Variants in GPBP1 observed in about 807,000 individuals in gnomAD.
The protein encoded by GPBP1 is vasculin.
A neutral mutation model predicts 56.5 loss-of-function variants in GPBP1; 13 were observed. The ratio of observed to expected loss-of-function variants is 0.23; its 90% confidence interval spans 0.15 to 0.37. GPBP1 has a LOEUF of 0.37. Among genes scored for constraint, GPBP1 ranks in the 10% least tolerant of loss-of-function variants. The probability of loss-of-function intolerance (pLI) is 1.00; values close to 1 mark genes in which losing one functional copy is unlikely to be tolerated. For missense variants in GPBP1, 477 were observed against 572.3 expected, an observed-to-expected ratio of 0.83 and a Z score of 1.70; for synonymous variants, 204 against 188.9, an observed-to-expected ratio of 1.08 and a Z score of -0.66.
At chr5:57,225,738 C>G (rs1756158371) in intron 3 of GPBP1, among the ~76,000 whole-genome samples, 1 of 152,094 alleles carries the variant, frequency 6.6e-6, no homozygotes, top group Non-Finnish European at 1.5e-5. Flanking sequence ...CTGCCTGAGT[C>G]AAACAGCAGC....
chr5:57,188,678 GGTT>G (rs1324174589), intron 2 of GPBP1, among the ~76,000 whole-genome samples: 2 of 151,980 alleles, frequency 1.3e-5, no homozygotes, highest in Admixed American at 6.6e-5. Context: ...GTCAGGCAGA[GGTT>G]GTAGTGAGCC....
rs1234096946 is a variant in GPBP1, at chr5:57,224,246, C to CTT, written c.64-6586_64-6585dup. Reference sequence around the variant, plus strand: ...GGTGCAACCTGGAACTCCTGATCCTCTTTTTTTTTTTTTTTGAGACAAAGT... The same window carrying CTT: ...GGTGCAACCTGGAACTCCTGATCCTCTTTTTTTTTTTTTTTTTGAGACAAAGT... On this transcript the variant is annotated intron_variant, in intron 3 of 11. Coordinates refer to ENST00000506184, the MANE Select transcript of GPBP1 (RefSeq NM_022913.4). Among the ~76,000 whole-genome samples the CTT allele has an allele frequency of 1.7e-3, 239 of 139,570 alleles. 1 individual carries two copies. The highest frequency in any genetic ancestry group is 0.013 in the Admixed American group (180 of 13,794). The allele number at this position is 139,570 out of a possible 152,430, so 91.6% of individuals were successfully genotyped here.
intron 2 of GPBP1, among the ~76,000 whole-genome samples, chr5:57,181,993 G>T (rs1348008241): frequency 2.0e-5 from 3 of 151,998 alleles, no homozygotes; most frequent in African/African-American, 4.8e-5. Flanking sequence ...TTATATACAA[G>T]ATATGTCATT....
intron 2 of GPBP1, among the ~76,000 whole-genome samples, chr5:57,210,185 T>G (rs534241778): frequency 2.6e-5 from 4 of 152,344 alleles, no homozygotes; most frequent in East Asian, 1.9e-4. Flanking sequence ...GTCTGAAGAA[T>G]AATCTTTTTT....
intron 2 of GPBP1, among the ~76,000 whole-genome samples, chr5:57,187,032 GTGTGTGTA>G (rs1482145706): frequency 1.3e-5 from 2 of 148,300 alleles, no homozygotes; most frequent in Non-Finnish European, 2.9e-5. Flanking sequence ...GTGTGTGTGT[GTGTGTGTA>G]TGTATGTTTG....
At chr5:57,243,154 A>G (rs1415132481) in intron 6 of GPBP1, among the ~76,000 whole-genome samples, 2 of 144,884 alleles carry the variant, frequency 1.4e-5, no homozygotes, top group African/African-American at 5.2e-5. Flanking sequence ...TGCAACCTCC[A>G]CCTCCCGGGT....
At chr5:57,202,434 G>T (rs1755059364) in intron 2 of GPBP1, among the ~76,000 whole-genome samples, 1 of 151,758 alleles carries the variant, frequency 6.6e-6, no homozygotes, top group Admixed American at 6.6e-5. Context: ...AATTATAGGC[G>T]CATGCCACCA....
At position 57,256,942 on chromosome 5, in the gene GPBP1, A is replaced by G. The variant is rs527616271; in HGVS notation, c.1161-4238A>G. ...AATGTTACTTCTTTTCCATTGCTTC[A>G]TATTTTCTGTAAACTTTGTGACTTC... On this transcript the variant is annotated intron_variant, in intron 10 of 11. Coordinates refer to ENST00000506184, the MANE Select transcript of GPBP1 (RefSeq NM_022913.4). Among the ~76,000 whole-genome samples, 18 of 152,030 alleles carry G rather than the reference A, an allele frequency of 1.2e-4. No homozygotes were observed. In the South Asian group the frequency reaches 2.3e-3, roughly 19 times the overall value.
chr5:57,186,807 G>A (rs1291686333), intron 2 of GPBP1, among the ~76,000 whole-genome samples: 5 of 152,140 alleles, frequency 3.3e-5, no homozygotes, highest in African/African-American at 1.2e-4. Flanking sequence ...CTGGACTCAT[G>A]GGATCCTCCT....
chr5:57,210,252 T>C lies in GPBP1; in HGVS notation c.-57-3822T>C, dbSNP rs573973630. Among the ~76,000 whole-genome samples, 3 of 152,342 alleles carry C rather than the reference T, an allele frequency of 2.0e-5. No homozygotes were observed. The South Asian group carries it at 6.2e-4, about 32-fold the overall frequency. On this transcript the variant is annotated intron_variant, in intron 2 of 11. Transcript: ENST00000506184. ...AGATGTACACTTAGGTTTTATTTTTTTCAGAACCAGCTTTCTCCCGGGGAA... is the reference window on the plus strand; with the variant it reads ...AGATGTACACTTAGGTTTTATTTTTCTCAGAACCAGCTTTCTCCCGGGGAA...
At chr5:57,240,221 A>T (rs971283538) in intron 6 of GPBP1, among the ~76,000 whole-genome samples, 5 of 152,236 alleles carry the variant, frequency 3.3e-5, no homozygotes, top group Non-Finnish European at 2.9e-5. Context: ...GCTGCACTCC[A>T]GCCTGGGCAA....
chr5:57,232,895 A>G (rs1247729784), intron 5 of GPBP1, among the ~76,000 whole-genome samples: 1 of 152,196 alleles, frequency 6.6e-6, no homozygotes, highest in African/African-American at 2.4e-5. Flanking sequence ...TACCCAGCCA[A>G]CCTTGTTATG....
intron 6 of GPBP1, among the ~76,000 whole-genome samples, chr5:57,245,028 C>T (rs13361596): frequency 0.14 from 21,282 of 152,134 alleles, 1,821 homozygotes; most frequent in African/African-American, 0.24. Context: ...AGCCATCACG[C>T]GCAGCCTGTT....
At chr5:57,192,573 G>C (rs1754571623) in intron 2 of GPBP1, among the ~76,000 whole-genome samples, 1 of 151,922 alleles carries the variant, frequency 6.6e-6, no homozygotes. Context: ...GACCAACATG[G>C]AGAAACTCCG....
chr5:57,221,349 G>T (rs1475125981), intron 3 of GPBP1: 1 of 1,509,400 alleles, frequency 6.6e-7, no homozygotes, highest in East Asian at 2.5e-5. Context: ...AATGCCAATT[G>T]TGACTGATCT....
chr5:57,259,569 G>A (rs910176528), intron 10 of GPBP1, among the ~76,000 whole-genome samples: 2 of 152,170 alleles, frequency 1.3e-5, no homozygotes, highest in Admixed American at 6.5e-5. Context: ...CAGTTTAACC[G>A]TGTCAGTGCT....
chr5:57,246,197 TAAAAA>T, intron 6 of GPBP1, 98 bp from the exon 7 acceptor site: 1 of 686,588 alleles, frequency 1.5e-6, no homozygotes, highest in Non-Finnish European at 2.3e-6. Context: ...AGCTGTTAGT[TAAAAA>T]AAAAAAAAAA....
chr5:57,197,452 G>A (rs925314631), intron 2 of GPBP1, among the ~76,000 whole-genome samples: 2 of 143,326 alleles, frequency 1.4e-5, no homozygotes, highest in African/African-American at 5.4e-5. Flanking sequence ...TCCGCCTCCT[G>A]GTTCAAGCAG....
Position 57,246,229 on chromosome 5 carries a change from C to T in GPBP1, c.479-71C>T. The T allele has an allele frequency of 8.2e-6, 10 of 1,222,248 alleles. No homozygotes were observed. In the South Asian group the frequency reaches 8.5e-5, roughly 10 times the overall value. 75.7% of individuals were successfully genotyped at this position (1,222,248 alleles called of 1,614,324 possible). A position where few individuals can be genotyped will look rare whatever the true frequency, so the allele number is the denominator to read the frequency against. On this transcript the variant is annotated intron_variant, in intron 6 of 11. Coordinates refer to ENST00000506184, the MANE Select transcript of GPBP1 (RefSeq NM_022913.4). ...AAAAAAAAATTTGGAATATACTGTT[C>T]TTTTGGTGGTTTTATTCTATACTAA... is the stretch of plus-strand genomic sequence containing the variant.
Sources: gnomAD v4.1 joint callset for allele counts (sites outside exome capture counted in the v4.1 genomes callset) on GRCh38, gnomAD v4.1.1 for gene constraint, MANE v1.5 for transcripts, NCBI Gene and HGNC (gene_info 2026-07-23, HGNC 2026-07-21) for gene names.